GRM7: variants seen among roughly 807,000 people sequenced by gnomAD.
The protein encoded by GRM7 is glutamate metabotropic receptor 7.
In GRM7, 35 loss-of-function variants were observed where a neutral mutation model predicts 84.5. The observed-to-expected ratio is 0.41, with a 90% CI of 0.32 to 0.55. GRM7 has a LOEUF of 0.55. Among genes scored for constraint, GRM7 ranks in the 20% least tolerant of loss-of-function variants. GRM7 has a pLI of 0.19. For missense variants in GRM7, 1,003 were observed against 1,194.6 expected (o/e 0.84, Z 2.36); for synonymous variants, 487 against 455.1 (o/e 1.07, Z -0.89).
At chr3:7,465,227 G>A (rs1698414040) in intron 7 of GRM7, among the ~76,000 whole-genome samples, 1 of 152,226 alleles carries the variant, frequency 6.6e-6, no homozygotes. Flanking sequence ...ACGCTCAGGT[G>A]GATGCAGTAG....
At chr3:6,946,018 A>T (rs1698065328) in intron 1 of GRM7, among the ~76,000 whole-genome samples, 1 of 152,202 alleles carries the variant, frequency 6.6e-6, no homozygotes, top group South Asian at 2.1e-4. Context: ...TTGCCTGTTC[A>T]CTATGACAGT....
intron 1 of GRM7, among the ~76,000 whole-genome samples, chr3:7,087,703 C>CT (rs138020985): frequency 0.022 from 3,299 of 152,218 alleles, 218 homozygotes; most frequent in East Asian, 0.14. Context: ...TGAAAGCTCT[C>CT]TAGGGCAGGT....
At chr3:7,194,333 T>G (rs1432712668) in intron 2 of GRM7, among the ~76,000 whole-genome samples, 1 of 152,168 alleles carries the variant, frequency 6.6e-6, no homozygotes, top group Non-Finnish European at 1.5e-5. Flanking sequence ...CATGGGAATG[T>G]TGTGATAGCC....
chr3:7,121,774 G>T (rs1243678927), intron 1 of GRM7, among the ~76,000 whole-genome samples: 1 of 152,164 alleles, frequency 6.6e-6, no homozygotes, highest in Non-Finnish European at 1.5e-5. Context: ...CATAGTGACT[G>T]CTGTGGTTTG....
At chr3:6,895,405 G>T (rs1200865825) in intron 1 of GRM7, among the ~76,000 whole-genome samples, 1 of 152,174 alleles carries the variant, frequency 6.6e-6, no homozygotes, top group Admixed American at 6.6e-5. Context: ...AACCACACTT[G>T]TAATAATGAC....
intron 8 of GRM7, among the ~76,000 whole-genome samples, chr3:7,603,161 T>C (rs945319928): frequency 2.6e-5 from 4 of 152,110 alleles, no homozygotes; most frequent in Non-Finnish European, 5.9e-5. Context: ...TCGATCAAAC[T>C]TGCCTATTTT....
At chr3:7,054,496 C>G (rs1195283628) in intron 1 of GRM7, among the ~76,000 whole-genome samples, 1 of 151,540 alleles carries the variant, frequency 6.6e-6, no homozygotes, top group Non-Finnish European at 1.5e-5. Flanking sequence ...CAACGTTAAA[C>G]TGAAATAATG....
intron 1 of GRM7, among the ~76,000 whole-genome samples, chr3:6,999,525 C>G (rs1028738377): frequency 9.9e-5 from 15 of 152,166 alleles, no homozygotes; most frequent in African/African-American, 3.4e-4. Context: ...ACCCCACTCT[C>G]TGCAGTACTA....
rs1002869629 is a variant in GRM7 at position 6,999,431 on chromosome 3, C to A, written c.519+137524C>A. Reference sequence around the variant, plus strand: ...TCCAAACTTTCCATTTTCCTGTCTTCTTTGGAGCCCTCTAAACTGTTCCAA... The same window carrying A: ...TCCAAACTTTCCATTTTCCTGTCTTATTTGGAGCCCTCTAAACTGTTCCAA... On this transcript the variant is annotated intron_variant, in intron 1 of 9. Transcript: ENST00000357716. 5.3e-5 allele frequency among the ~76,000 whole-genome samples: 8 copies of A among 152,318 alleles called. No individual in the cohort carries two copies. In the Middle Eastern group the frequency reaches 0.01, roughly 194 times the overall value.
intron 5 of GRM7, among the ~76,000 whole-genome samples, chr3:7,435,640 G>A (rs1697014041): frequency 6.8e-6 from 1 of 147,618 alleles, no homozygotes; most frequent in Admixed American, 6.8e-5. Context: ...AGCCTACCGA[G>A]TAGCTAGGAT....
At chr3:7,552,324 G>A (rs538154507) in intron 7 of GRM7, among the ~76,000 whole-genome samples, 1 of 152,272 alleles carries the variant, frequency 6.6e-6, no homozygotes, top group African/African-American at 2.4e-5. Flanking sequence ...GGCTGGTGTT[G>A]AGTGTCTGTG....
intron 6 of GRM7, among the ~76,000 whole-genome samples, chr3:7,460,127 A>AAAAAAAAAC (rs1698183792): frequency 6.7e-6 from 1 of 149,074 alleles, no homozygotes; most frequent in African/African-American, 2.5e-5. Flanking sequence ...AAAAAAAAAA[A>AAAAAAAAAC]AAGATGCCAA....
chr3:7,315,201 T>C (rs10084762), intron 4 of GRM7, among the ~76,000 whole-genome samples: 5,028 of 152,288 alleles, frequency 0.033, 254 homozygotes, highest in African/African-American at 0.1. Context: ...AGGCCCCTCA[T>C]AACTGTGCCT....
chr3:7,140,120 A>G (rs1693899507), intron 1 of GRM7, among the ~76,000 whole-genome samples: 1 of 151,934 alleles, frequency 6.6e-6, no homozygotes, highest in Non-Finnish European at 1.5e-5. Context: ...CACATCTGTT[A>G]TGGTGGCTAT....
At chr3:7,004,145 C>T (rs926134420) in intron 1 of GRM7, among the ~76,000 whole-genome samples, 2 of 152,142 alleles carry the variant, frequency 1.3e-5, no homozygotes, top group African/African-American at 4.8e-5. Flanking sequence ...CATACTCCAT[C>T]ATTTATGCAA....
intron 8 of GRM7, among the ~76,000 whole-genome samples, chr3:7,635,185 A>G (rs183497172): frequency 2.0e-5 from 3 of 152,366 alleles, no homozygotes; most frequent in Non-Finnish European, 2.9e-5. Context: ...GGAACAGCAC[A>G]GCTATAAATA....
At chr3:7,246,460 A>G (rs1009078306) in intron 2 of GRM7, among the ~76,000 whole-genome samples, 2 of 152,172 alleles carry the variant, frequency 1.3e-5, no homozygotes, top group Non-Finnish European at 2.9e-5. Flanking sequence ...CGTAGACCTC[A>G]TATTCACAAT....
At chr3:6,884,358 A>G (rs1425391631) in intron 1 of GRM7, 7 of 152,650 alleles carry the variant, frequency 4.6e-5, no homozygotes, top group Non-Finnish European at 1.0e-4. Context: ...ATGATCAGCA[A>G]GTTAAAGAGC....
chr3:7,166,094 T>A (rs1294342032), intron 2 of GRM7, among the ~76,000 whole-genome samples: 2 of 152,222 alleles, frequency 1.3e-5, no homozygotes, highest in African/African-American at 4.8e-5. Flanking sequence ...AGTTTCAGAA[T>A]TAAAGAAACT....
Sources: allele counts gnomAD v4.1 joint callset (sites outside exome capture counted in the v4.1 genomes callset), GRCh38; gene constraint gnomAD v4.1.1; transcripts MANE v1.5; gene names NCBI Gene and HGNC (gene_info 2026-07-23, HGNC 2026-07-21).